The following CEP85L variants were observed in gnomAD, a reference collection of about 807,000 sequenced individuals.
The protein encoded by CEP85L is centrosomal protein 85L.
Under a neutral mutation model 100.3 loss-of-function variants are expected in CEP85L, and 60 were observed. The observed-to-expected ratio is 0.60, with a 90% confidence interval of 0.49 to 0.74. CEP85L has a LOEUF of 0.74. CEP85L is among the 30% of genes least tolerant of loss of function. The pLI is 0.00. For missense variants in CEP85L, 973 were observed against 936.2 expected, an observed-to-expected ratio of 1.04 and a Z score of -0.51; for synonymous variants, 319 against 322.7, an observed-to-expected ratio of 0.99 and a Z score of 0.12.
chr6:118,687,137 C>G (rs1776860860), intron 1 of CEP85L, among the ~76,000 whole-genome samples: 2 of 152,206 alleles, frequency 1.3e-5, no homozygotes, highest in African/African-American at 2.4e-5. Flanking sequence ...CTCAATCCTT[C>G]TCATCCAGGT....
At chr6:118,604,154 CTATTAATGTTA>C (rs945759867) in intron 2 of CEP85L, among the ~76,000 whole-genome samples, 3 of 152,134 alleles carry the variant, frequency 2.0e-5, no homozygotes, top group Non-Finnish European at 4.4e-5. Context: ...TATTAATGTT[CTATTAATGTTA>C]AACCCAATTC....
intron 3 of CEP85L, among the ~76,000 whole-genome samples, chr6:118,555,614 C>A (rs1778815048): frequency 6.6e-6 from 1 of 152,094 alleles, no homozygotes; most frequent in Non-Finnish European, 1.5e-5. Flanking sequence ...AAACAAAAGT[C>A]ATTAAATATA....
intron 1 of CEP85L, among the ~76,000 whole-genome samples, chr6:118,633,362 AC>A (rs1448756545): frequency 6.6e-6 from 1 of 151,476 alleles, no homozygotes; most frequent in Non-Finnish European, 1.5e-5. Flanking sequence ...CCACCACCAC[AC>A]CCCGCTAATT....
intron 5 of CEP85L, chr6:118,501,853 A>ACATCCTT: frequency 7.7e-7 from 1 of 1,305,310 alleles, no homozygotes; most frequent in Non-Finnish European, 1.1e-6. Context: ...ATGCCGAAGC[A>ACATCCTT]CAAGCCTTCA....
chr6:118,691,639 T>G (rs1279602635), intron 1 of CEP85L, among the ~76,000 whole-genome samples: 3 of 149,190 alleles, frequency 2.0e-5, no homozygotes, highest in Non-Finnish European at 4.4e-5. Flanking sequence ...CTTGGGAGGG[T>G]GAGGCAGGAG....
rs145885002 is a variant in CEP85L at position 118,646,172 on chromosome 6, G to A, written c.73+5025C>T. 2.2e-3 allele frequency among the ~76,000 whole-genome samples: 341 copies of A among 152,272 alleles called. 2 individuals are homozygous for A. Among genetic ancestry groups the A allele is most frequent in the African/African-American group, 7.8e-3 (322 of 41,536 alleles). ...GCGGAGGTTGCAGTGAGCCGAGATT[G>A]CGCCATTGCACTCCAGCCTGGGCAA... On this transcript the variant is annotated intron_variant, in intron 1 of 12. Coordinates refer to ENST00000368491, the MANE Select transcript of CEP85L (RefSeq NM_001042475.3).
At chr6:118,499,085 T>C (rs1775108496) in intron 5 of CEP85L, among the ~76,000 whole-genome samples, 1 of 152,138 alleles carries the variant, frequency 6.6e-6, no homozygotes, top group Non-Finnish European at 1.5e-5. Context: ...CCTATCAAAA[T>C]TTGTGGTATC....
intron 6 of CEP85L, among the ~76,000 whole-genome samples, chr6:118,484,650 C>A (rs2114555704): frequency 6.6e-6 from 1 of 152,294 alleles, no homozygotes; most frequent in Non-Finnish European, 1.5e-5. Context: ...CCTTTGAAAT[C>A]AGTGAAGTAT....
chr6:118,521,601 A>T (rs543715233), intron 4 of CEP85L, among the ~76,000 whole-genome samples: 2 of 152,298 alleles, frequency 1.3e-5, no homozygotes, highest in Admixed American at 1.3e-4. Flanking sequence ...TCTAGTGACT[A>T]ACAGAATATA....
chr6:118,469,153 C>A lies in CEP85L; in HGVS notation c.2173G>T (p.Asp725Tyr). ...AGAATACTACACAATGCTTTCAAGT[C>A]AAACAAACAACAGGACATTTCCTTG... ...LFKEMSCCLF[D>Y]LKALCSILNQ... is the part of the protein sequence containing the mutation. The change falls in exon 12 of 13, where the codon GAC becomes TAC. Residue 725 changes from aspartate to tyrosine, a missense_variant. Asp to Tyr is a radical substitution (Grantham distance 160). Around this residue, in one of 3 missense-constraint regions of CEP85L, gnomAD observed 890 missense variants for 844.5 expected, o/e 1.05. Transcript: ENST00000368491. 6.2e-7 allele frequency: 1 copy of A among 1,614,034 alleles called. No individual in the cohort carries two copies. Among genetic ancestry groups the A allele is most frequent in the South Asian group, 1.1e-5 (1 of 91,062 alleles).
At position 118,579,897 on chromosome 6, in the gene CEP85L, G is replaced by A. The variant is rs190772683; in HGVS notation, c.233-13581C>T. Among the ~76,000 whole-genome samples, 116 of 152,298 alleles carry A rather than the reference G, an allele frequency of 7.6e-4. 2 individuals are homozygous for A. Among genetic ancestry groups the A allele is most frequent in the Non-Finnish European group, 7.4e-5 (5 of 68,022 alleles). On this transcript the variant is annotated intron_variant, in intron 2 of 12. Coordinates refer to ENST00000368491, the MANE Select transcript of CEP85L (RefSeq NM_001042475.3). Reference sequence around the variant, plus strand: ...TTAGAAACTGGGTCCACTCAATATGGCAATTCCCACCTTCTTCTTGTCACT... The same window carrying A: ...TTAGAAACTGGGTCCACTCAATATGACAATTCCCACCTTCTTCTTGTCACT...
At chr6:118,663,989 G>A (rs1446057106) in intron 1 of CEP85L, among the ~76,000 whole-genome samples, 1 of 148,422 alleles carries the variant, frequency 6.7e-6, no homozygotes, top group Non-Finnish European at 1.5e-5. Context: ...TTGACCTTCT[G>A]GGCTCAAGTG....
chr6:118,529,848 C>A (rs1456022634), intron 3 of CEP85L, among the ~76,000 whole-genome samples: 2 of 151,930 alleles, frequency 1.3e-5, no homozygotes, highest in Non-Finnish European at 2.9e-5. Flanking sequence ...TGCCTTAAAA[C>A]CTTCAGACTA....
chr6:118,507,294 G>C (rs1168859447), intron 5 of CEP85L, among the ~76,000 whole-genome samples: 1 of 152,128 alleles, frequency 6.6e-6, no homozygotes, highest in Non-Finnish European at 1.5e-5. Flanking sequence ...CCATGGCTTG[G>C]TCATACAGAT....
intron 2 of CEP85L, among the ~76,000 whole-genome samples, chr6:118,613,977 C>A (rs989471010): frequency 6.6e-6 from 1 of 152,002 alleles, no homozygotes; most frequent in African/African-American, 2.4e-5. Context: ...CGAAAACAAT[C>A]CTTAACAAAC....
chr6:118,652,654 A>T, upstream of CEP85L: 2 of 1,530,238 alleles, frequency 1.3e-6, no homozygotes, highest in Non-Finnish European at 1.8e-6. Context: ...ACTACTTAAA[A>T]TTCTTGGAAG....
At chr6:118,612,275 A>G (rs1772678965) in intron 2 of CEP85L, among the ~76,000 whole-genome samples, 7 of 152,108 alleles carry the variant, frequency 4.6e-5, no homozygotes, top group Admixed American at 4.6e-4. Flanking sequence ...AAAAAACCAC[A>G]CTGAACTAAA....
intron 1 of CEP85L, among the ~76,000 whole-genome samples, chr6:118,682,804 C>T (rs1776712398): frequency 1.5e-5 from 2 of 137,816 alleles, no homozygotes; most frequent in African/African-American, 5.4e-5. Context: ...CACACACACA[C>T]ACACTTTTAC....
At chr6:118,569,289 CAG>C (rs1287787655) in intron 2 of CEP85L, among the ~76,000 whole-genome samples, 1 of 124,560 alleles carries the variant, frequency 8.0e-6, no homozygotes, top group African/African-American at 3.0e-5. Flanking sequence ...CTGCAGTAAG[CAG>C]AGATTGTGCC....
Sources: allele counts gnomAD v4.1 joint callset (sites outside exome capture counted in the v4.1 genomes callset), GRCh38; gene constraint gnomAD v4.1.1; regional missense constraint gnomAD v4.1.1; transcripts MANE v1.5; gene names NCBI Gene and HGNC (gene_info 2026-07-23, HGNC 2026-07-21).